Variants in TMEM108 observed in about 807,000 individuals in gnomAD.
TMEM108 encodes the protein cancer/testis antigen 124.
In TMEM108, 12 loss-of-function variants were observed where a neutral mutation model predicts 35.1. That is an observed-to-expected ratio of 0.34 (90% CI 0.22 to 0.55). The LOEUF is 0.55. TMEM108 is among the 20% of genes least tolerant of loss of function. The pLI, the probability that TMEM108 is intolerant of heterozygous loss-of-function variation, is 0.89. For synonymous variants in TMEM108, 287 were observed against 308.6 expected, an observed-to-expected ratio of 0.93 and a Z score of 0.73; for missense variants, 680 against 753.3, an observed-to-expected ratio of 0.90 and a Z score of 1.14.
chr3:133,387,857 C>T (rs2073176273), intron 4 of TMEM108: 1 of 985,342 alleles, frequency 1.0e-6, no homozygotes. Flanking sequence ...GCCCTATTGA[C>T]TAGGCCTAAG....
chr3:133,351,283 A>C (rs572414908), intron 3 of TMEM108, among the ~76,000 whole-genome samples: 55 of 152,238 alleles, frequency 3.6e-4, no homozygotes, highest in African/African-American at 7.0e-4. Context: ...TCTGGTGGGA[A>C]GGTGCTGATC....
intron 2 of TMEM108, among the ~76,000 whole-genome samples, chr3:133,210,487 C>T (rs748443860): frequency 8.5e-5 from 13 of 152,142 alleles, no homozygotes; most frequent in South Asian, 4.1e-4. Context: ...GTCAGAATTT[C>T]TAAGGGAAAG....
At chr3:133,204,998 A>G (rs1033545269) in intron 2 of TMEM108, among the ~76,000 whole-genome samples, 1 of 152,184 alleles carries the variant, frequency 6.6e-6, no homozygotes, top group African/African-American at 2.4e-5. Flanking sequence ...TATTGGGTGC[A>G]TATATATTTA....
intron 2 of TMEM108, among the ~76,000 whole-genome samples, chr3:133,162,543 T>C (rs1944975940): frequency 6.6e-6 from 1 of 152,206 alleles, no homozygotes; most frequent in African/African-American, 2.4e-5. Context: ...GTTTCTCCAG[T>C]AGTGGGTTCT....
In TMEM108 at chr3:133,143,790, C is replaced by T. The variant is rs10451900; in HGVS notation, c.-46-85476C>T. ...AAGACTCCATGCTCAGCCTTGACCA[C>T]GCTGGTGTCTCGCCAGCCCCAGCAC... On this transcript the variant is annotated intron_variant, in intron 2 of 5. Transcript: ENST00000321871. Among the ~76,000 whole-genome samples, 1,096 of 152,198 alleles carry T rather than the reference C, an allele frequency of 7.2e-3. 14 individuals carry two copies. Among genetic ancestry groups the T allele is most frequent in the African/African-American group, 0.025 (1,044 of 41,526 alleles).
intron 3 of TMEM108, among the ~76,000 whole-genome samples, chr3:133,309,725 G>T (rs1239143749): frequency 6.3e-5 from 6 of 94,842 alleles, no homozygotes; most frequent in Admixed American, 3.3e-4. Flanking sequence ...TTTTGAGACG[G>T]AGTCTCGCTC....
At chr3:133,284,347 C>T (rs537610362) in intron 3 of TMEM108, among the ~76,000 whole-genome samples, 1 of 152,286 alleles carries the variant, frequency 6.6e-6, no homozygotes, top group African/African-American at 2.4e-5. Flanking sequence ...CTCATACTTC[C>T]CAGAGTCCTA....
chr3:133,137,276 G>C (rs1944577483), intron 2 of TMEM108, among the ~76,000 whole-genome samples: 1 of 152,182 alleles, frequency 6.6e-6, no homozygotes, highest in Non-Finnish European at 1.5e-5. Context: ...CACTGAGCAG[G>C]CACATGGCAA....
At chr3:133,356,961 A>G (rs1184874229) in intron 3 of TMEM108, among the ~76,000 whole-genome samples, 1 of 152,188 alleles carries the variant, frequency 6.6e-6, no homozygotes, top group Non-Finnish European at 1.5e-5. Context: ...AACATAAATA[A>G]ATAGGACCTA....
intron 2 of TMEM108, among the ~76,000 whole-genome samples, chr3:133,220,258 T>A (rs959403312): frequency 1.3e-5 from 2 of 151,944 alleles, no homozygotes; most frequent in African/African-American, 4.8e-5. Context: ...TAGTTGAGTC[T>A]TTTTTATTAT....
At chr3:133,046,624 A>G (rs994350466) in intron 2 of TMEM108, among the ~76,000 whole-genome samples, 1 of 152,186 alleles carries the variant, frequency 6.6e-6, no homozygotes, top group Admixed American at 6.5e-5. Context: ...AGTACAATGC[A>G]TGTGGGCACT....
intron 2 of TMEM108, among the ~76,000 whole-genome samples, chr3:133,161,350 C>T (rs1232183585): frequency 6.6e-6 from 1 of 152,180 alleles, no homozygotes; most frequent in Non-Finnish European, 1.5e-5. Flanking sequence ...AAAGTAGCCA[C>T]TCTGTCACTC....
intron 3 of TMEM108, among the ~76,000 whole-genome samples, chr3:133,278,539 C>G (rs1405367613): frequency 6.6e-6 from 1 of 152,198 alleles, no homozygotes; most frequent in African/African-American, 2.4e-5. Context: ...CACCTACGCT[C>G]TATGGAATAG....
At chr3:133,320,211 G>T (rs1374910252) in intron 3 of TMEM108, among the ~76,000 whole-genome samples, 1 of 152,018 alleles carries the variant, frequency 6.6e-6, no homozygotes, top group Non-Finnish European at 1.5e-5. Context: ...AGTTCAGAAG[G>T]TTGATTATTA....
chr3:133,300,136 C>A (rs1353860582), intron 3 of TMEM108, among the ~76,000 whole-genome samples: 2 of 151,988 alleles, frequency 1.3e-5, no homozygotes, highest in African/African-American at 2.4e-5. Context: ...TGAAAGCCTC[C>A]AAAATGTTTG....
At chr3:133,211,380 C>A (rs1475746063) in intron 2 of TMEM108, among the ~76,000 whole-genome samples, 3 of 151,820 alleles carry the variant, frequency 2.0e-5, no homozygotes, top group African/African-American at 7.3e-5. Context: ...TCAGGCATTG[C>A]AAAAGAAAAA....
intron 3 of TMEM108, among the ~76,000 whole-genome samples, chr3:133,339,980 G>A (rs952822470): frequency 2.0e-5 from 3 of 151,500 alleles, no homozygotes; most frequent in Non-Finnish European, 3.0e-5. Flanking sequence ...ATAGCTATAA[G>A]TGCCTATATC....
At chr3:133,361,800 T>G (rs2072357562) in intron 3 of TMEM108, among the ~76,000 whole-genome samples, 1 of 152,162 alleles carries the variant, frequency 6.6e-6, no homozygotes, top group Non-Finnish European at 1.5e-5. Flanking sequence ...AACTTCTGCA[T>G]AGTCTCAAAA....
At chr3:133,339,608 T>C (rs1043892199) in intron 3 of TMEM108, among the ~76,000 whole-genome samples, 2 of 151,948 alleles carry the variant, frequency 1.3e-5, no homozygotes, top group African/African-American at 4.8e-5. Flanking sequence ...ATGAACTTAA[T>C]AGATATTTAC....
Sources: gnomAD v4.1 joint callset for allele counts (sites outside exome capture counted in the v4.1 genomes callset) on GRCh38, gnomAD v4.1.1 for gene constraint, MANE v1.5 for transcripts, NCBI Gene and HGNC (gene_info 2026-07-23, HGNC 2026-07-21) for gene names.